KMT2A: variants seen among roughly 807,000 people sequenced by gnomAD.
KMT2A encodes histone-lysine N-methyltransferase 2A.
In KMT2A, 16 loss-of-function variants were observed where a neutral mutation model predicts 345.3. The observed-to-expected ratio is 0.05, with a 90% CI of 0.03 to 0.07. The LOEUF is 0.07. KMT2A is among the 10% of genes least tolerant of loss of function. The pLI, the probability that KMT2A is intolerant of heterozygous loss-of-function variation, is 1.00. For synonymous variants in KMT2A, 1,599 were observed against 1,778.6 expected, an observed-to-expected ratio of 0.90 and a Z score of 2.54; for missense variants, 3,272 against 4,841.6, an observed-to-expected ratio of 0.68 and a Z score of 9.62.
chr11:118,501,220 G>A, intron 25 of KMT2A, 73 bp downstream of exon 25: 2 of 1,399,420 alleles, frequency 1.4e-6, no homozygotes, highest in Non-Finnish European at 2.0e-6. Flanking sequence ...CACTTTGGGA[G>A]GCTGAGGCAG....
Position 118,504,508 on chromosome 11 carries a change from A to G in KMT2A, c.8616A>G (p.Ser2872=). ...SMQALGESPE[S]SSSELLNLGE... is the part of the protein sequence containing the mutation. ...AGGCTTTGGGTGAGAGCCCAGAGTC[A>G]TCTTCATCAGAACTCCTGAATCTTG... The change falls in exon 27 of 36, where the codon TCA becomes TCG. Residue 2872 remains serine (S), a synonymous_variant. Transcript: ENST00000534358. This position sits in a 1 kb window ranked among gnomAD's most constrained non-coding sequence, Gnocchi z 6.4. The G allele has an allele frequency of 6.2e-7, 1 of 1,614,220 alleles. No homozygotes were observed.
Position 118,473,572 on chromosome 11 carries a change from C to G in KMT2A, c.2413C>G (p.Gln805Glu), listed in dbSNP as rs2134268340. The stretch of plus-strand genomic sequence containing the variant: ...TACTTTTCCTTCTCATTCCCTGACT[C>G]AGTCTGGGGAATCTGCAGAGAAAAA... ...TFTFPSHSLT[Q>E]SGESAEKNQR... is the part of the protein sequence containing the mutation. Residue 805 changes from glutamine (Q) to glutamate (E), a missense_variant, in exon 3 of 36, where the codon CAG becomes GAG. Gln to Glu is a conservative substitution (Grantham distance 29). Transcript: ENST00000534358. The surrounding 1 kb of genome is among the most constrained non-coding windows in gnomAD (Gnocchi z 5.2). The G allele has an allele frequency of 6.2e-7, 1 of 1,614,072 alleles. No homozygotes were observed. The highest frequency in any genetic ancestry group is 8.5e-7 in the Non-Finnish European group (1 of 1,179,996).
At position 118,490,984 on chromosome 11, in the gene KMT2A, C is replaced by T. The variant is rs1555042269; in HGVS notation, c.4697-212C>T. Among the ~76,000 whole-genome samples the T allele has an allele frequency of 6.6e-6, 1 of 152,130 alleles. No individual in the cohort carries two copies. Among genetic ancestry groups the T allele is most frequent in the Admixed American group, 6.6e-5 (1 of 15,262 alleles). ...ATGAAAACTAGTAAACTAAAGAAAA[C>T]TAGTAGCATATGAAGCTTTTCTGTG... On this transcript the variant is annotated intron_variant, in intron 13 of 35. Transcript: ENST00000534358. The surrounding 1 kb of genome is among the most constrained non-coding windows in gnomAD (Gnocchi z 4.2).
chr11:118,439,242 T>A, intron 1 of KMT2A: 1 of 372,984 alleles, frequency 2.7e-6, no homozygotes, highest in Middle Eastern at 6.6e-4. Context: ...CCTGGTTATA[T>A]GTAGCATTTT....
At chr11:118,463,766 A>C (rs1949790068) in intron 1 of KMT2A, among the ~76,000 whole-genome samples, 1 of 152,108 alleles carries the variant, frequency 6.6e-6, no homozygotes, top group South Asian at 2.1e-4. Context: ...TTCAAAGAAA[A>C]CTCATGGAAA....
At chr11:118,486,027 G>A (rs1555040776) in intron 10 of KMT2A, among the ~76,000 whole-genome samples, 1 of 152,196 alleles carries the variant, frequency 6.6e-6, no homozygotes, top group Non-Finnish European at 1.5e-5. Flanking sequence ...AGCTTGCAGT[G>A]AGCCGAGATC....
intron 1 of KMT2A, among the ~76,000 whole-genome samples, chr11:118,444,199 C>A (rs1298461079): frequency 6.6e-6 from 1 of 152,130 alleles, no homozygotes; most frequent in Admixed American, 6.6e-5. Context: ...TAATAAATAT[C>A]CTACACCTAG....
chr11:118,491,155 T>C lies in KMT2A; in HGVS notation c.4697-41T>C, dbSNP rs782087903. On this transcript the variant is annotated intron_variant, in intron 13 of 35. Coordinates refer to ENST00000534358, the MANE Select transcript of KMT2A (RefSeq NM_001197104.2). The surrounding 1 kb of genome is among the most constrained non-coding windows in gnomAD (Gnocchi z 4.2). ...GTCGAGGGCCGTAAAAACACGGGTA[T>C]GTGAGCCAAAGCACTGCTGTAAACT... is the stretch of plus-strand genomic sequence containing the variant. 6.2e-7 allele frequency: 1 copy of C among 1,604,504 alleles called. No homozygotes were observed. The highest frequency in any genetic ancestry group is 8.5e-7 in the Non-Finnish European group (1 of 1,175,834).
rs1950573677 is a variant in KMT2A, at chr11:118,505,916, T to C, written c.10024T>C (p.Ser3342Pro). 1 of 1,614,080 alleles carries C rather than the reference T, an allele frequency of 6.2e-7. No homozygotes were observed. Among genetic ancestry groups the C allele is most frequent in the South Asian group, 1.1e-5 (1 of 91,072 alleles). ...GSVSGLASSS[S>P]VLNVVSMQTT... Reference sequence around the variant, plus strand: ...TGTGTCTGGCTTGGCATCCAGTTCCTCTGTCTTGAATGTTGTATCCATGCA... The same window carrying C: ...TGTGTCTGGCTTGGCATCCAGTTCCCCTGTCTTGAATGTTGTATCCATGCA... The change falls in exon 27 of 36, where the codon TCT becomes CCT. Residue 3342 changes from serine (S) to proline (P), a missense_variant. Around this residue, in one of 27 missense-constraint regions of KMT2A, gnomAD observed 748 missense variants for 922.2 expected, o/e 0.81. Coordinates refer to ENST00000534358, the MANE Select transcript of KMT2A (RefSeq NM_001197104.2). This position sits in a 1 kb window ranked among gnomAD's most constrained non-coding sequence, Gnocchi z 4.6.
chr11:118,443,014 T>A (rs1248186721), intron 1 of KMT2A, among the ~76,000 whole-genome samples: 1 of 152,190 alleles, frequency 6.6e-6, no homozygotes, highest in African/African-American at 2.4e-5. Context: ...ATTTCATTGG[T>A]TGTTGAAGAA....
intron 31 of KMT2A, 98 bp from the exon 32 acceptor site, chr11:118,519,520 C>A (rs1565316798): frequency 9.4e-7 from 1 of 1,066,152 alleles, no homozygotes; most frequent in East Asian, 2.4e-5. Flanking sequence ...CCTGGAGCAG[C>A]CTCTGGCAGA....
chr11:118,501,638 CT>C (rs1950502364), intron 25 of KMT2A, 33 bp from the exon 26 acceptor site: 18 of 1,562,358 alleles, frequency 1.2e-5, no homozygotes, highest in Non-Finnish European at 1.6e-5. Flanking sequence ...TTAATTGGGC[CT>C]TTTTAGTTAA....
chr11:118,502,415 A>C lies in KMT2A; in HGVS notation c.6523A>C (p.Thr2175Pro). Residue 2175 changes from threonine to proline, a missense_variant, in exon 27 of 36, where the codon ACT becomes CCT. By Grantham distance (38) the Thr-to-Pro change is conservative. This residue lies in a region of KMT2A where 14 missense variants were observed against 38.4 expected (regional missense o/e 0.36). Transcript: ENST00000534358. This position sits in a 1 kb window ranked among gnomAD's most constrained non-coding sequence, Gnocchi z 4.9. ...TTGTTTAGGAAGTCCTACCCCAACC[A>C]CTCATGAAATAGTCACAGTAGGTGA... ...LPSAGSPTPT[T>P]HEIVTVGDPL... 1 of 1,600,746 alleles carries C rather than the reference A, an allele frequency of 6.2e-7. No individual in the cohort carries two copies. Among genetic ancestry groups the C allele is most frequent in the Non-Finnish European group, 8.5e-7 (1 of 1,172,608 alleles).
At chr11:118,513,471 C>T (rs1188776470) in intron 31 of KMT2A, among the ~76,000 whole-genome samples, 1 of 151,792 alleles carries the variant, frequency 6.6e-6, no homozygotes. Context: ...TTTGGATGCA[C>T]TTTAGAAAAT....
intron 28 of KMT2A, among the ~76,000 whole-genome samples, chr11:118,508,365 G>T (rs1352759025): frequency 6.6e-6 from 1 of 152,138 alleles, no homozygotes; most frequent in Non-Finnish European, 1.5e-5. Context: ...CAATTCTATT[G>T]TGTGGATCTA....
At position 118,494,154 on chromosome 11, in the gene KMT2A, G is replaced by C; in HGVS notation, c.5179-134G>C. 1 of 558,396 alleles carries C rather than the reference G, an allele frequency of 1.8e-6. No homozygotes were observed. Among genetic ancestry groups the C allele is most frequent in the Non-Finnish European group, 3.2e-6 (1 of 310,382 alleles). 34.6% of individuals were successfully genotyped at this position (558,396 alleles called of 1,614,324 possible). A position where few individuals can be genotyped will look rare whatever the true frequency, so the allele number is the denominator to read the frequency against. On this transcript the variant is annotated intron_variant, in intron 16 of 35. Coordinates refer to ENST00000534358, the MANE Select transcript of KMT2A (RefSeq NM_001197104.2). The surrounding 1 kb of genome is among the most constrained non-coding windows in gnomAD (Gnocchi z 5.8). The stretch of plus-strand genomic sequence containing the variant: ...TTGAATCTCAAAGGTCTCAGCCAAA[G>C]AGTATTATACCACATTAAAATAGGG...
chr11:118,473,993 T>C lies in KMT2A; in HGVS notation c.2834T>C (p.Ile945Thr). The change falls in exon 3 of 36, where the codon ATT (isoleucine) becomes ACT (threonine). Residue 945 changes from isoleucine (I) to threonine (T), a missense_variant. Physicochemically the swap from Ile to Thr is moderately conservative, Grantham distance 89. Transcript: ENST00000534358. The surrounding 1 kb of genome is among the most constrained non-coding windows in gnomAD (Gnocchi z 5.2). ...KSSSHDSGTD[I>T]TSVTLGDTTA... ...TCATCACATGATTCTGGGACTGATA[T>C]TACTTCTGTGACTCTTGGGGATACA... The C allele has an allele frequency of 1.2e-6, 2 of 1,613,820 alleles. No individual in the cohort carries two copies. The highest frequency in any genetic ancestry group is 1.7e-5 in the Admixed American group (1 of 59,926).
At position 118,507,046 on chromosome 11, in the gene KMT2A, C is replaced by T. The variant is rs1254733374; in HGVS notation, c.10754+400C>T. 3.3e-5 allele frequency among the ~76,000 whole-genome samples: 5 copies of T among 152,142 alleles called. No homozygotes were observed. In the East Asian group the frequency reaches 9.6e-4, roughly 29 times the overall value. ...GCACAGTGGCTCATGTCTGTAATCC[C>T]AGCACTTTGGAAGGCTGAGGCAGAA... On this transcript the variant is annotated intron_variant, in intron 27 of 35. Coordinates refer to ENST00000534358, the MANE Select transcript of KMT2A (RefSeq NM_001197104.2).
rs1296425139 is a variant in KMT2A, at chr11:118,455,674, TTTTTTA to T, written c.433-13079_433-13074del. ...TCTCTGCCCCTTATTATTATTATTT[TTTTTTA>T]TTTTTATTTTTATTTTTATTTATTT... On this transcript the variant is annotated intron_variant, in intron 1 of 35. Transcript: ENST00000534358. Among the ~76,000 whole-genome samples the T allele has an allele frequency of 7.9e-5, 12 of 151,246 alleles. No individual in the cohort carries two copies. In the East Asian group the frequency reaches 1.4e-3, roughly 17 times the overall value.
Sources: allele counts gnomAD v4.1 joint callset (sites outside exome capture counted in the v4.1 genomes callset), GRCh38; gene constraint gnomAD v4.1.1; regional missense constraint gnomAD v4.1.1; non-coding constraint Gnocchi (gnomAD v3.1); transcripts MANE v1.5; gene names NCBI Gene and HGNC (gene_info 2026-07-23, HGNC 2026-07-21).